The following TEKT5 variants were observed in gnomAD, a reference collection of about 807,000 sequenced individuals.
TEKT5 encodes tektin 5.
Under a neutral mutation model 48.7 loss-of-function variants are expected in TEKT5, and 52 were observed. That is an observed-to-expected ratio of 1.07 (90% CI 0.86 to 1.35). TEKT5 has a LOEUF of 1.35. TEKT5 is among the 40% of genes most tolerant of loss of function. The pLI is 0.00. For synonymous variants in TEKT5, 318 were observed against 267.6 expected (o/e 1.19, Z -1.84); for missense variants, 831 against 641.6 (o/e 1.30, Z -3.19).
chr16:10,667,510 T>C (rs1039241192), intron 5 of TEKT5, among the ~76,000 whole-genome samples: 1 of 152,230 alleles, frequency 6.6e-6, no homozygotes, highest in African/African-American at 2.4e-5. Context: ...CTTTCCTTTT[T>C]CTGTCTGTAA....
At chr16:10,658,333 T>C (rs1331072596) in intron 5 of TEKT5, among the ~76,000 whole-genome samples, 1 of 152,184 alleles carries the variant, frequency 6.6e-6, no homozygotes, top group African/African-American at 2.4e-5. Flanking sequence ...AGAATGTTCA[T>C]AACAACTTAA....
At chr16:10,669,711 T>C (rs1898522305) in intron 5 of TEKT5, among the ~76,000 whole-genome samples, 1 of 150,562 alleles carries the variant, frequency 6.6e-6, no homozygotes, top group Non-Finnish European at 1.5e-5. Flanking sequence ...AAAAACCATA[T>C]TTATGCATCT....
At chr16:10,633,224 G>A (rs1567223679) in intron 6 of TEKT5, among the ~76,000 whole-genome samples, 1 of 152,176 alleles carries the variant, frequency 6.6e-6, no homozygotes, top group African/African-American at 2.4e-5. Context: ...AGCCGAGCAT[G>A]GTGGCAGGCG....
intron 5 of TEKT5, among the ~76,000 whole-genome samples, chr16:10,656,478 C>A (rs1898264200): frequency 6.6e-6 from 1 of 152,038 alleles, no homozygotes; most frequent in African/African-American, 2.4e-5. Flanking sequence ...GCCTCAAACT[C>A]CTGGGCTCAA....
intron 5 of TEKT5, among the ~76,000 whole-genome samples, chr16:10,669,121 T>C (rs1057096022): frequency 6.6e-6 from 1 of 152,186 alleles, no homozygotes; most frequent in African/African-American, 2.4e-5. Flanking sequence ...TACATGAGTG[T>C]TCACAGCAGC....
intron 5 of TEKT5, among the ~76,000 whole-genome samples, chr16:10,637,860 G>C (rs116027028): frequency 0.052 from 7,868 of 152,250 alleles, 587 homozygotes; most frequent in African/African-American, 0.17. Context: ...ACTCAGGCTG[G>C]AGTGCAGTTG....
chr16:10,645,718 C>T (rs1898060128), intron 5 of TEKT5, among the ~76,000 whole-genome samples: 1 of 152,116 alleles, frequency 6.6e-6, no homozygotes, highest in African/African-American at 2.4e-5. Flanking sequence ...AGGAAAATCG[C>T]TTGAACCTGG....
At chr16:10,692,220 G>T (rs955435280) in intron 1 of TEKT5, among the ~76,000 whole-genome samples, 1 of 152,160 alleles carries the variant, frequency 6.6e-6, no homozygotes, top group Non-Finnish European at 1.5e-5. Context: ...GAAGAGAATG[G>T]GAGGGAGAGC....
At chr16:10,670,504 G>C (rs1898531597) in intron 5 of TEKT5, among the ~76,000 whole-genome samples, 1 of 152,158 alleles carries the variant, frequency 6.6e-6, no homozygotes, top group African/African-American at 2.4e-5. Context: ...GCACGATAGA[G>C]TGAGACTCCA....
intron 5 of TEKT5, among the ~76,000 whole-genome samples, chr16:10,651,780 C>T (rs1346831925): frequency 6.6e-6 from 1 of 151,976 alleles, no homozygotes; most frequent in Non-Finnish European, 1.5e-5. Flanking sequence ...ACAAACATGG[C>T]GAAACCCCGT....
chr16:10,669,176 C>T (rs1024740266), intron 5 of TEKT5, among the ~76,000 whole-genome samples: 1 of 152,064 alleles, frequency 6.6e-6, no homozygotes, highest in Non-Finnish European at 1.5e-5. Context: ...AAATGCTTAT[C>T]AACAGGTGAG....
chr16:10,678,539 T>C (rs1023964063), intron 4 of TEKT5, among the ~76,000 whole-genome samples: 2 of 152,176 alleles, frequency 1.3e-5, no homozygotes, highest in Admixed American at 1.3e-4. Context: ...CTTCTGGAGA[T>C]AGGAGTGGCA....
In TEKT5 at chr16:10,689,967, T is replaced by C. The variant is rs1444816318; in HGVS notation, c.623A>G (p.Asp208Gly). 8 of 1,613,916 alleles carry C rather than the reference T, an allele frequency of 5.0e-6. No individual in the cohort carries two copies. The South Asian group carries it at 6.6e-5, about 13-fold the overall frequency. ...CCGGATAAGGTTTTTCTCCACGTTG[T>C]CATGGACCAAATCAATCCCAATCCT... ...EKRIGIDLVH[D>G]NVEKNLIREV... The change falls in exon 2 of 7, where the codon GAC becomes GGC. Residue 208 changes from aspartate (D) to glycine (G), a missense_variant. Transcript: ENST00000283025.
chr16:10,694,359 A>AC lies in TEKT5; in HGVS notation c.514dup (p.Val172GlyfsTer11), dbSNP rs754522046. ...GGCCGCGCACTCCAGCCGCCTCTTG[A>AC]CCGTCTCCAAGTTCTGGTTCTCAGT... On this transcript the variant is annotated frameshift_variant, in exon 1 of 7. Transcript: ENST00000283025. LOFTEE classifies it high-confidence loss of function. The AC allele has an allele frequency of 5.6e-6, 9 of 1,612,986 alleles. No individual in the cohort carries two copies. In the African/African-American group the frequency reaches 1.1e-4, roughly 19 times the overall value.
At chr16:10,663,766 C>G (rs1398016769) in intron 5 of TEKT5, among the ~76,000 whole-genome samples, 1 of 152,222 alleles carries the variant, frequency 6.6e-6, no homozygotes, top group East Asian at 1.9e-4. Context: ...ATTCTCCACC[C>G]CCAGCCATTT....
intron 3 of TEKT5, among the ~76,000 whole-genome samples, chr16:10,688,411 C>T (rs1898902526): frequency 6.6e-6 from 1 of 152,220 alleles, no homozygotes; most frequent in Admixed American, 6.5e-5. Flanking sequence ...GATATGTGCT[C>T]CCAGGGCTGA....
chr16:10,634,073 C>T (rs1897878480), intron 6 of TEKT5, among the ~76,000 whole-genome samples: 1 of 152,192 alleles, frequency 6.6e-6, no homozygotes, highest in African/African-American at 2.4e-5. Flanking sequence ...GGAGCAGGGT[C>T]CATCGCTGGA....
intron 5 of TEKT5, among the ~76,000 whole-genome samples, chr16:10,655,515 C>T (rs974591005): frequency 1.3e-5 from 2 of 152,162 alleles, no homozygotes; most frequent in South Asian, 4.1e-4. Flanking sequence ...GGCATTGTGG[C>T]TAGTTGACAC....
At chr16:10,674,345 G>C (rs1898603752) in intron 5 of TEKT5, among the ~76,000 whole-genome samples, 1 of 151,970 alleles carries the variant, frequency 6.6e-6, no homozygotes, top group East Asian at 1.9e-4. Context: ...GGAAACTCCT[G>C]TTTCGAGGCC....
Sources: gnomAD v4.1 joint callset for allele counts (sites outside exome capture counted in the v4.1 genomes callset) on GRCh38, gnomAD v4.1.1 for gene constraint, MANE v1.5 for transcripts, NCBI Gene and HGNC (gene_info 2026-07-23, HGNC 2026-07-21) for gene names.